Variants in DIAPH2 observed in about 807,000 individuals in gnomAD.
DIAPH2 encodes diaphanous related formin 2, also known as protein diaphanous homolog 2.
A neutral mutation model predicts 92.7 loss-of-function variants in DIAPH2; 35 were observed. The ratio of observed to expected loss-of-function variants is 0.38; its 90% CI spans 0.29 to 0.50. The LOEUF is 0.50. Among genes scored for constraint, DIAPH2 ranks in the 20% least tolerant of loss-of-function variants. DIAPH2 has a pLI of 0.94. For synonymous variants in DIAPH2, 301 were observed against 280.4 expected, an observed-to-expected ratio of 1.07 and a Z score of -0.73; for missense variants, 701 against 819.5, an observed-to-expected ratio of 0.86 and a Z score of 1.77.
intron 26 of DIAPH2, among the ~76,000 whole-genome samples, chrX:97,446,678 T>A (rs1569399789): frequency 9.0e-6 from 1 of 111,313 alleles, no homozygotes; most frequent in South Asian, 3.8e-4. Flanking sequence ...TCTGTTTACC[T>A]AAACTGAAGT....
Position 97,224,601 on chromosome X carries a change from C to G in DIAPH2, c.2720-23114C>G, listed in dbSNP as rs995539948. Among the ~76,000 whole-genome samples the G allele has an allele frequency of 2.7e-5, 3 of 111,864 alleles. No individual in the cohort carries two copies. In the South Asian group the frequency reaches 1.1e-3, roughly 42 times the overall value. On this transcript the variant is annotated intron_variant, in intron 22 of 26. Coordinates refer to ENST00000324765, the MANE Select transcript of DIAPH2 (RefSeq NM_006729.5). Reference sequence around the variant, plus strand: ...TCTTAAGGGAAATATGCTATGTTCTCTTCTAGTTTATCAACATATTTTTGA... The same window carrying G: ...TCTTAAGGGAAATATGCTATGTTCTGTTCTAGTTTATCAACATATTTTTGA...
intron 5 of DIAPH2, among the ~76,000 whole-genome samples, chrX:96,910,470 T>A (rs919795915): frequency 6.3e-5 from 7 of 111,679 alleles, no homozygotes; most frequent in Non-Finnish European, 9.4e-5. Flanking sequence ...CCCTTAAAAA[T>A]TTAGGTCTCT....
At chrX:97,475,349 A>G (rs2070595328) in intron 26 of DIAPH2, among the ~76,000 whole-genome samples, 1 of 112,476 alleles carries the variant, frequency 8.9e-6, no homozygotes. Context: ...AGACAGATGT[A>G]TTTCAAATGA....
At chrX:96,877,830 C>G (rs1294383890) in intron 4 of DIAPH2, among the ~76,000 whole-genome samples, 3 of 112,325 alleles carry the variant, frequency 2.7e-5, no homozygotes, top group Non-Finnish European at 5.6e-5. Context: ...CAAGCCCAGT[C>G]ACATTGACTA....
chrX:97,447,607 C>T (rs1270377011), intron 26 of DIAPH2, among the ~76,000 whole-genome samples: 1 of 111,440 alleles, frequency 9.0e-6, no homozygotes, highest in Non-Finnish European at 1.9e-5. Flanking sequence ...TGTGTGGGTA[C>T]TGTCATGGTA....
chrX:97,367,074 T>G (rs1169113413), intron 24 of DIAPH2, among the ~76,000 whole-genome samples: 1 of 111,647 alleles, frequency 9.0e-6, no homozygotes, highest in Non-Finnish European at 1.9e-5. Context: ...AATCCTCTTA[T>G]AAGTTATTTG....
chrX:97,171,706 C>T (rs113461141), intron 22 of DIAPH2, among the ~76,000 whole-genome samples: 2,562 of 111,715 alleles, frequency 0.023, 71 homozygotes, highest in African/African-American at 0.074. Context: ...TTTGGGAGGC[C>T]GCGACGGGCG....
chrX:96,792,371 T>C (rs1333987122), intron 4 of DIAPH2, among the ~76,000 whole-genome samples: 1 of 111,640 alleles, frequency 9.0e-6, no homozygotes, highest in African/African-American at 3.3e-5. Context: ...AGTGTCCTAG[T>C]GCTACCAAAG....
At chrX:96,935,655 GTGCTCA>G (rs2147797779) in intron 10 of DIAPH2, among the ~76,000 whole-genome samples, 2 of 111,342 alleles carry the variant, frequency 1.8e-5, no homozygotes, top group African/African-American at 6.5e-5. Flanking sequence ...TGTGCTATAT[GTGCTCA>G]TATACTATGT....
chrX:97,530,142 G>A (rs990373942), intron 26 of DIAPH2, among the ~76,000 whole-genome samples: 6 of 112,023 alleles, frequency 5.4e-5, no homozygotes, highest in Admixed American at 9.4e-5. Context: ...AAGGCAGTCA[G>A]TACTGAAGGG....
chrX:97,321,877 A>G (rs1009011501), intron 23 of DIAPH2, among the ~76,000 whole-genome samples: 1 of 112,169 alleles, frequency 8.9e-6, no homozygotes, highest in Non-Finnish European at 1.9e-5. Flanking sequence ...GCTATTTGCC[A>G]GATCTTTAAA....
chrX:97,551,483 G>C (rs1355830388), intron 26 of DIAPH2, among the ~76,000 whole-genome samples: 1 of 108,750 alleles, frequency 9.2e-6, no homozygotes, highest in Non-Finnish European at 1.9e-5. Context: ...CCAGCTACTC[G>C]GGAGATTGAG....
intron 17 of DIAPH2, among the ~76,000 whole-genome samples, chrX:97,002,135 C>T (rs1194410729): frequency 9.1e-6 from 1 of 110,477 alleles, no homozygotes; most frequent in Non-Finnish European, 1.9e-5. Flanking sequence ...CAAATCTAAT[C>T]CGTGTATCTA....
intron 4 of DIAPH2, among the ~76,000 whole-genome samples, chrX:96,818,875 C>A (rs1356547713): frequency 1.8e-5 from 2 of 112,694 alleles, no homozygotes; most frequent in African/African-American, 3.2e-5. Flanking sequence ...GACAATTTTA[C>A]CACGGGACGG....
intron 16 of DIAPH2, among the ~76,000 whole-genome samples, chrX:96,962,290 T>TACAC (rs2065855516): frequency 1.6e-5 from 1 of 60,923 alleles, no homozygotes; most frequent in Non-Finnish European, 3.3e-5. Flanking sequence ...TATATACATA[T>TACAC]ATATATATAC....
At chrX:96,718,336 G>GTTTTTTTTTTTTTTTTCTT (rs2063965856) in intron 1 of DIAPH2, among the ~76,000 whole-genome samples, 1 of 10,987 alleles carries the variant, frequency 9.1e-5, no homozygotes, top group Non-Finnish European at 1.4e-4. Flanking sequence ...CATTTTCTTT[G>GTTTTTTTTTTTTTTTTCTT]TTTTTTTTTT....
chrX:96,980,042 C>G (rs144082629), intron 17 of DIAPH2, among the ~76,000 whole-genome samples: 1 of 110,709 alleles, frequency 9.0e-6, no homozygotes, highest in Admixed American at 9.6e-5. Flanking sequence ...CCACAACCCC[C>G]GAAGCCCCAG....
chrX:96,760,680 G>A (rs998069122), intron 4 of DIAPH2, among the ~76,000 whole-genome samples: 3 of 111,011 alleles, frequency 2.7e-5, no homozygotes, highest in African/African-American at 6.5e-5. Context: ...GTCAAAACTC[G>A]TTTCTAAAGC....
At chrX:97,325,823 T>C (rs2068946524) in intron 23 of DIAPH2, among the ~76,000 whole-genome samples, 1 of 111,752 alleles carries the variant, frequency 8.9e-6, no homozygotes, top group Non-Finnish European at 1.9e-5. Context: ...GTGATTCACC[T>C]GCCTTGGCCT....
Sources: allele counts gnomAD v4.1 joint callset (sites outside exome capture counted in the v4.1 genomes callset), GRCh38; gene constraint gnomAD v4.1.1; transcripts MANE v1.5; gene names NCBI Gene and HGNC (gene_info 2026-07-23, HGNC 2026-07-21).